Variants in ARAP2 observed in about 807,000 individuals in gnomAD.
The protein encoded by ARAP2 is arf-GAP with Rho-GAP domain, ANK repeat and PH domain-containing protein 2.
In ARAP2, 148 loss-of-function variants were observed where a neutral mutation model predicts 194.5. The ratio of observed to expected loss-of-function variants is 0.76; its 90% confidence interval spans 0.67 to 0.87. ARAP2 has a LOEUF of 0.87. Among genes scored for constraint, ARAP2 ranks in the 40% least tolerant of loss-of-function variants. The pLI is 0.00. For missense variants in ARAP2, 2,128 were observed against 1,989.7 expected, an observed-to-expected ratio of 1.07 and a Z score of -1.32; for synonymous variants, 695 against 683.5, an observed-to-expected ratio of 1.02 and a Z score of -0.26.
chr4:36,228,762 G>C lies in ARAP2; in HGVS notation c.725C>G (p.Pro242Arg). 1 of 1,614,070 alleles carries C rather than the reference G, an allele frequency of 6.2e-7. No individual in the cohort carries two copies. The highest frequency in any genetic ancestry group is 1.1e-5 in the South Asian group (1 of 91,082). The change falls in exon 2 of 33, where the codon CCA becomes CGA. Residue 242 changes from proline to arginine, a missense_variant. By Grantham distance (103) the Pro-to-Arg change is moderately radical. Transcript: ENST00000303965. ...TCCTTGAAACTTAAAGAATGGGGAT[G>C]GTGGTGATCCTTCTAATAAACCATT... is the stretch of plus-strand genomic sequence containing the variant. ...GTNGLLEGSP[P>R]SPFFKFQGEM... is the part of the protein sequence containing the mutation.
chr4:36,149,754 T>C (rs988860361), intron 16 of ARAP2, among the ~76,000 whole-genome samples: 1 of 152,114 alleles, frequency 6.6e-6, no homozygotes, highest in Non-Finnish European at 1.5e-5. Context: ...AACAAGTCAA[T>C]TAATAATCAG....
chr4:36,203,295 T>C (rs533963982), intron 6 of ARAP2, among the ~76,000 whole-genome samples: 1 of 152,124 alleles, frequency 6.6e-6, no homozygotes, highest in South Asian at 2.1e-4. Context: ...ACCCAAAAAC[T>C]GGTTACCAGG....
chr4:36,186,141 G>A (rs1740505811), intron 8 of ARAP2, among the ~76,000 whole-genome samples: 2 of 151,996 alleles, frequency 1.3e-5, no homozygotes, highest in South Asian at 4.2e-4. Context: ...TAAAAATCAA[G>A]TTGAATTATA....
chr4:36,128,145 A>G (rs1724418506), intron 21 of ARAP2, among the ~76,000 whole-genome samples: 1 of 151,954 alleles, frequency 6.6e-6, no homozygotes, highest in Non-Finnish European at 1.5e-5. Flanking sequence ...AACACAAAAG[A>G]GTCATGGGTG....
intron 15 of ARAP2, among the ~76,000 whole-genome samples, chr4:36,157,800 T>C (rs1207088403): frequency 6.6e-6 from 1 of 151,322 alleles, no homozygotes; most frequent in East Asian, 1.9e-4. Context: ...GGATATATTA[T>C]ATATATATAT....
At chr4:36,217,612 CA>C (rs961499793) in intron 2 of ARAP2, among the ~76,000 whole-genome samples, 2 of 151,618 alleles carry the variant, frequency 1.3e-5, no homozygotes, top group African/African-American at 4.8e-5. Context: ...ATATAAATAT[CA>C]ATTCCATCCC....
intron 9 of ARAP2, among the ~76,000 whole-genome samples, chr4:36,011,970 G>T (rs988250387): frequency 3.3e-5 from 5 of 152,072 alleles, no homozygotes; most frequent in Non-Finnish European, 5.9e-5. Context: ...TTAAAGCAGG[G>T]ATGTGTTAGA....
intron 15 of ARAP2, among the ~76,000 whole-genome samples, chr4:36,156,638 CTG>C (rs1732618512): frequency 6.6e-6 from 1 of 152,100 alleles, no homozygotes; most frequent in African/African-American, 2.4e-5. Flanking sequence ...AGGATGGTGA[CTG>C]TGGCTGGGAG....
In ARAP2 at chr4:36,107,691, G is replaced by A. The variant is rs749768011; in HGVS notation, c.4159C>T (p.Arg1387Cys). 9 of 1,589,616 alleles carry A rather than the reference G, an allele frequency of 5.7e-6. No individual in the cohort carries two copies. Among genetic ancestry groups the A allele is most frequent in the Admixed American group, 3.6e-5 (2 of 55,040 alleles). Reference protein sequence around the residue: ...FEVIENEELERPLHYKENVLE... With the variant: ...FEVIENEELECPLHYKENVLE... ...ACATTTTCCTTGTAGTGAAGAGGACGCTCTGTAAAAAATAAATTCCAAATC... is the reference window on the plus strand; with the variant it reads ...ACATTTTCCTTGTAGTGAAGAGGACACTCTGTAAAAAATAAATTCCAAATC... The change falls in exon 27 of 33, where the codon CGT (arginine) becomes TGT (cysteine). Residue 1387 changes from arginine (R) to cysteine (C), a missense_variant and splice_region_variant. Coordinates refer to ENST00000303965, the MANE Select transcript of ARAP2 (RefSeq NM_015230.4).
chr4:36,158,443 C>T (rs780589721), intron 15 of ARAP2, among the ~76,000 whole-genome samples: 7 of 152,066 alleles, frequency 4.6e-5, no homozygotes, highest in Non-Finnish European at 8.8e-5. Context: ...AGGAAAGGGG[C>T]TGAGTTATAA....
intron 19 of ARAP2, among the ~76,000 whole-genome samples, chr4:36,145,873 T>C (rs1331242406): frequency 6.6e-6 from 1 of 151,952 alleles, no homozygotes; most frequent in African/African-American, 2.4e-5. Flanking sequence ...CTTGGCAAAA[T>C]AGCGTCAACA....
At chr4:36,020,523 G>A (rs553309748) in intron 5 of ARAP2, among the ~76,000 whole-genome samples, 14 of 152,190 alleles carry the variant, frequency 9.2e-5, no homozygotes, top group African/African-American at 2.2e-4. Context: ...AATAATTCAC[G>A]TTGAGAAGCA....
intron 3 of ARAP2, among the ~76,000 whole-genome samples, chr4:36,048,119 T>C (rs1484751676): frequency 6.6e-6 from 1 of 152,228 alleles, no homozygotes; most frequent in Non-Finnish European, 1.5e-5. Flanking sequence ...AAGTAAAATG[T>C]ATGAGGAATA....
In ARAP2 at chr4:36,133,273, T is replaced by C. The variant is rs1440411941; in HGVS notation, c.3380A>G (p.Asp1127Gly). Reference sequence around the variant, plus strand: ...ACAGCTGTTCACTATAATGGGAACGTCATTTTTGCTGAGCTGCTGATCTTG... The same window carrying C: ...ACAGCTGTTCACTATAATGGGAACGCCATTTTTGCTGAGCTGCTGATCTTG... ...ALQDQQLSKN[D>G]VPIIVNSCIA... Residue 1127 changes from aspartate to glycine, a missense_variant, in exon 20 of 33, where the codon GAC (aspartate) becomes GGC (glycine). Coordinates refer to ENST00000303965, the MANE Select transcript of ARAP2 (RefSeq NM_015230.4). 2 of 1,611,322 alleles carry C rather than the reference T, an allele frequency of 1.2e-6. No homozygotes were observed.
At chr4:36,180,407 G>C (rs1218372076) in intron 8 of ARAP2, among the ~76,000 whole-genome samples, 1 of 152,168 alleles carries the variant, frequency 6.6e-6, no homozygotes, top group Non-Finnish European at 1.5e-5. Context: ...CTAAGTCAAT[G>C]TCCATATGCA....
intron 8 of ARAP2, among the ~76,000 whole-genome samples, chr4:36,183,297 T>TA (rs59564775): frequency 0.88 from 132,116 of 150,476 alleles, 58,278 homozygotes; most frequent in East Asian, 1. Flanking sequence ...TTTTTTTAAT[T>TA]AAAAAAAAAG....
chr4:36,076,886 C>T (rs528732502), intron 31 of ARAP2, among the ~76,000 whole-genome samples: 11 of 152,244 alleles, frequency 7.2e-5, no homozygotes, highest in African/African-American at 2.4e-4. Context: ...ATCCCACTTA[C>T]ATCTGACAGT....
Position 36,114,858 on chromosome 4 carries a change from G to A in ARAP2, c.4039-571C>T, listed in dbSNP as rs1185756327. On this transcript the variant is annotated intron_variant, in intron 25 of 32. Coordinates refer to ENST00000303965, the MANE Select transcript of ARAP2 (RefSeq NM_015230.4). ...ATGCCAACCTGGGGGTCGGTTCTAC[G>A]AAAGTCCCAAAGCCTGAGGCCACTG... Among the ~76,000 whole-genome samples, 7 of 152,082 alleles carry A rather than the reference G, an allele frequency of 4.6e-5. No individual in the cohort carries two copies. The East Asian group carries it at 5.9e-4, about 13-fold the overall frequency.
At chr4:36,171,284 C>G (rs372093935) in intron 9 of ARAP2, among the ~76,000 whole-genome samples, 1 of 151,906 alleles carries the variant, frequency 6.6e-6, no homozygotes, top group African/African-American at 2.4e-5. Flanking sequence ...TGTCCAACAA[C>G]GATAGACTGG....
Sources: allele counts gnomAD v4.1 joint callset (sites outside exome capture counted in the v4.1 genomes callset), GRCh38; gene constraint gnomAD v4.1.1; transcripts MANE v1.5; gene names NCBI Gene and HGNC (gene_info 2026-07-23, HGNC 2026-07-21).